LYST: variants seen among roughly 807,000 people sequenced by gnomAD.
LYST encodes lysosomal-trafficking regulator.
LYST carries 192 observed loss-of-function variants against 413.6 expected under a neutral mutation model. The ratio of observed to expected loss-of-function variants is 0.46; its 90% CI spans 0.41 to 0.52. The LOEUF (loss-of-function observed/expected upper bound fraction) is 0.52, where lower values mean the gene tolerates loss of function less well. Among genes scored for constraint, LYST ranks in the 20% least tolerant of loss-of-function variants. The pLI, the probability that LYST is intolerant of heterozygous loss-of-function variation, is 0.00. For missense variants in LYST, 3,815 were observed against 4,499.9 expected, an observed-to-expected ratio of 0.85 and a Z score of 4.35; for synonymous variants, 1,525 against 1,567.3, an observed-to-expected ratio of 0.97 and a Z score of 0.64.
intron 21 of LYST, among the ~76,000 whole-genome samples, chr1:235,763,833 C>A (rs567439936): frequency 1.3e-5 from 2 of 152,226 alleles, no homozygotes; most frequent in East Asian, 3.9e-4. Flanking sequence ...CATCTCTCAA[C>A]TGGGTTACTA....
rs1372497128 is a variant in LYST at position 235,674,773 on chromosome 1, C to T, written c.11038+2318G>A. ...TGTACTTTTATCCCTAACAACACAG[C>T]CCCCAGTAAAACAATCACAAAAGCC... On this transcript the variant is annotated intron_variant, in intron 50 of 52. Coordinates refer to ENST00000389793, the MANE Select transcript of LYST (RefSeq NM_000081.4). This position sits in a 1 kb window ranked among gnomAD's most constrained non-coding sequence, Gnocchi z 4.1. Among the ~76,000 whole-genome samples the T allele has an allele frequency of 6.6e-6, 1 of 152,126 alleles. No individual in the cohort carries two copies. Among genetic ancestry groups the T allele is most frequent in the Non-Finnish European group, 1.5e-5 (1 of 68,018 alleles).
intron 21 of LYST, 74 bp downstream of exon 21, chr1:235,766,004 AC>A: frequency 8.8e-7 from 1 of 1,140,426 alleles, no homozygotes; most frequent in Non-Finnish European, 1.3e-6. Context: ...CAAATGTCAA[AC>A]AAATGTGAAT....
In LYST at chr1:235,666,221, TACATACACACACAC is replaced by T. The variant is rs1248885578; in HGVS notation, c.11039-1614_11039-1601del. Among the ~76,000 whole-genome samples, 508 of 116,248 alleles carry T rather than the reference TACATACACACACAC, an allele frequency of 4.4e-3. 3 individuals carry two copies. The highest frequency in any genetic ancestry group is 0.015 in the African/African-American group (471 of 30,832). The allele number at this position is 116,248 out of a possible 152,430, so 76.3% of individuals were successfully genotyped here. A position where few individuals can be genotyped will look rare whatever the true frequency, so the allele number is the denominator to read the frequency against. On this transcript the variant is annotated intron_variant, in intron 50 of 52. Coordinates refer to ENST00000389793, the MANE Select transcript of LYST (RefSeq NM_000081.4). ...AGATGCATAAACAAAATGCAGTATG[TACATACACACACAC>T]ACACACACACACACACACACACACA...
chr1:235,740,215 T>C (rs902157817), intron 31 of LYST, among the ~76,000 whole-genome samples: 3 of 152,210 alleles, frequency 2.0e-5, no homozygotes, highest in African/African-American at 4.8e-5. Context: ...GTGTTTTCCA[T>C]GTATTAAAGG....
At chr1:235,824,747 C>T (rs1053540905) in intron 3 of LYST, among the ~76,000 whole-genome samples, 1 of 152,134 alleles carries the variant, frequency 6.6e-6, no homozygotes, top group Admixed American at 6.5e-5. Flanking sequence ...TACCGCTGAG[C>T]GCAGTGGCTC....
At chr1:235,683,379 T>C (rs1659977352) in intron 48 of LYST, among the ~76,000 whole-genome samples, 1 of 152,240 alleles carries the variant, frequency 6.6e-6, no homozygotes, top group South Asian at 2.1e-4. Flanking sequence ...GAAGATGATG[T>C]GGACACGTTA....
At position 235,782,074 on chromosome 1, in the gene LYST, T is replaced by G. The variant is rs917766927; in HGVS notation, c.4876A>C (p.Thr1626Pro). 1.9e-6 allele frequency: 3 copies of G among 1,612,618 alleles called. No homozygotes were observed. Among genetic ancestry groups the G allele is most frequent in the Non-Finnish European group, 2.5e-6 (3 of 1,179,026 alleles). The change falls in exon 15 of 53, where the codon ACT becomes CCT. Residue 1626 changes from threonine to proline, a missense_variant. By Grantham distance (38) the Thr-to-Pro change is conservative (BLOSUM62 -1). Around this residue, in one of 4 missense-constraint regions of LYST, gnomAD observed 530 missense variants for 696.5 expected, o/e 0.76. Coordinates refer to ENST00000389793, the MANE Select transcript of LYST (RefSeq NM_000081.4). ...TTTCTTGGAAGCATAAAATCCAAAG[T>G]AACATCAGGCTTCCTACATTAAAAA... Reference protein sequence around the residue: ...WVSGQRKPDVTLDFMLPRKTS... With the variant: ...WVSGQRKPDVPLDFMLPRKTS...
At chr1:235,870,621 CT>C (rs1336944112), upstream of LYST, among the ~76,000 whole-genome samples, 1 of 152,206 alleles carries the variant, frequency 6.6e-6, no homozygotes, top group Non-Finnish European at 1.5e-5. Context: ...TAAACATCAT[CT>C]CTTTCATAGC....
intron 19 of LYST, among the ~76,000 whole-genome samples, chr1:235,772,122 G>A (rs1277408263): frequency 1.3e-5 from 2 of 151,976 alleles, no homozygotes; most frequent in African/African-American, 2.4e-5. Context: ...CTACTTGGGA[G>A]GCTGAGGTAG....
chr1:235,730,889 AAAG>A lies in LYST; in HGVS notation c.8999_9001del (p.Ser3000del). ...AGCTTTGTCTTTGACAGTAGAAGAGAAAGAAGAATGAGTTTTGTCTTCAAACAG... is the reference window on the plus strand; with the variant it reads ...AGCTTTGTCTTTGACAGTAGAAGAGAAAGAATGAGTTTTGTCTTCAAACAG... On this transcript the variant is annotated inframe_deletion, in exon 36 of 53. Coordinates refer to ENST00000389793, the MANE Select transcript of LYST (RefSeq NM_000081.4). 1.2e-6 allele frequency: 2 copies of A among 1,613,812 alleles called. No individual in the cohort carries two copies. Among genetic ancestry groups the A allele is most frequent in the Non-Finnish European group, 1.7e-6 (2 of 1,179,738 alleles).
rs1288716595 is a variant in LYST at position 235,709,113 on chromosome 1, G to A, written c.10121C>T (p.Ala3374Val). 3.1e-6 allele frequency: 5 copies of A among 1,613,894 alleles called. No homozygotes were observed. The highest frequency in any genetic ancestry group is 2.2e-5 in the South Asian group (2 of 91,072). Residue 3374 changes from alanine to valine, a missense_variant, in exon 44 of 53, where the codon GCG (alanine) becomes GTG (valine). Coordinates refer to ENST00000389793, the MANE Select transcript of LYST (RefSeq NM_000081.4). ...YKQKGKASVQAINVFHPATYF... is the reference protein window; with the variant it reads ...YKQKGKASVQVINVFHPATYF... ...TACAGCAGGATGAAAAACATTGATC[G>A]CTTGAACAGAAGCCTTCCCCTTTTG...
At chr1:235,830,133 A>C (rs1675788679) in intron 3 of LYST, 93 bp downstream of exon 3, 2 of 915,092 alleles carry the variant, frequency 2.2e-6, no homozygotes, top group South Asian at 2.8e-5. Flanking sequence ...CTTTATCTCA[A>C]GGAGGCTTCA....
chr1:235,772,634 A>G (rs1483863094), intron 19 of LYST, among the ~76,000 whole-genome samples: 3 of 152,204 alleles, frequency 2.0e-5, no homozygotes, highest in Non-Finnish European at 4.4e-5. Flanking sequence ...TCTAAGATCA[A>G]TCTATGTTGC....
rs764046484 is a variant in LYST, at chr1:235,801,114, G to A, written c.3713-17C>T. ...AGTCTACCCCTGAAAAGAGAAAAGC[G>A]AAAGATTACTTGTATTCCCTAAACA... is the stretch of plus-strand genomic sequence containing the variant. On this transcript the variant is annotated splice_polypyrimidine_tract_variant and intron_variant, in intron 8 of 52. Coordinates refer to ENST00000389793, the MANE Select transcript of LYST (RefSeq NM_000081.4). The A allele has an allele frequency of 9.7e-6, 14 of 1,448,544 alleles. No individual in the cohort carries two copies. Among genetic ancestry groups the A allele is most frequent in the Admixed American group, 6.7e-5 (4 of 59,782 alleles). 89.7% of individuals were successfully genotyped at this position (1,448,544 alleles called of 1,614,324 possible).
intron 1 of LYST, among the ~76,000 whole-genome samples, chr1:235,836,564 G>A (rs7545582): frequency 0.062 from 9,431 of 152,146 alleles, 974 homozygotes; most frequent in African/African-American, 0.22. Flanking sequence ...CTGGATGTAC[G>A]GGATATTGAG....
Position 235,815,904 on chromosome 1 carries a change from G to A in LYST, c.193-2843C>T, listed in dbSNP as rs185427949. 9.3e-4 allele frequency among the ~76,000 whole-genome samples: 140 copies of A among 150,082 alleles called. 1 individual carries two copies. The highest frequency in any genetic ancestry group is 3.4e-3 in the African/African-American group (137 of 40,748). On this transcript the variant is annotated intron_variant, in intron 3 of 52. Transcript: ENST00000389793. ...TCCCAACACTTTGGGAGGCTGAGGC[G>A]GGCAGATCACAAGGTCAAGAGATCG...
upstream of LYST, among the ~76,000 whole-genome samples, chr1:235,868,799 G>A (rs753525163): frequency 1.4e-4 from 22 of 152,052 alleles, no homozygotes; most frequent in Non-Finnish European, 2.8e-4. Flanking sequence ...GGGTTCAAGT[G>A]ATTCTCCTGC....
Position 235,702,983 on chromosome 1 carries a change from G to T in LYST, c.10144-6C>A. ...ACATCCATTCCAAAATATGTCTGCA[G>T]AGTGAAAGAGTAAAGGAACAAGACA... On this transcript the variant is annotated splice_polypyrimidine_tract_variant and splice_region_variant and intron_variant, in intron 44 of 52. Transcript: ENST00000389793. 3 of 1,582,170 alleles carry T rather than the reference G, an allele frequency of 1.9e-6. No homozygotes were observed. Among genetic ancestry groups the T allele is most frequent in the South Asian group, 2.2e-5 (2 of 90,372 alleles).
chr1:235,830,998 G>A (rs1225077379), intron 2 of LYST, among the ~76,000 whole-genome samples: 1 of 152,010 alleles, frequency 6.6e-6, no homozygotes, highest in Non-Finnish European at 1.5e-5. Flanking sequence ...TAAGATTAAG[G>A]GAAATAAGCT....
Sources: allele counts gnomAD v4.1 joint callset (sites outside exome capture counted in the v4.1 genomes callset), GRCh38; gene constraint gnomAD v4.1.1; regional missense constraint gnomAD v4.1.1; non-coding constraint Gnocchi (gnomAD v3.1); transcripts MANE v1.5; gene names NCBI Gene and HGNC (gene_info 2026-07-23, HGNC 2026-07-21).